CHST11: variants seen among roughly 807,000 people sequenced by gnomAD.
The protein encoded by CHST11 is carbohydrate sulfotransferase 11, also known as C4S-1.
A neutral mutation model predicts 30.4 loss-of-function variants in CHST11; 9 were observed. That is an observed-to-expected ratio of 0.30 (90% CI 0.18 to 0.52). The LOEUF (loss-of-function observed/expected upper bound fraction) is 0.52. Among genes scored for constraint, CHST11 ranks in the 20% least tolerant of loss-of-function variants. The pLI is 0.97. For synonymous variants in CHST11, 152 were observed against 187.8 expected, an observed-to-expected ratio of 0.81 and a Z score of 1.56; for missense variants, 348 against 460.6, an observed-to-expected ratio of 0.76 and a Z score of 2.24.
chr12:104,547,236 T>C (rs1234010909), intron 1 of CHST11, among the ~76,000 whole-genome samples: 1 of 151,828 alleles, frequency 6.6e-6, no homozygotes, highest in East Asian at 1.9e-4. Flanking sequence ...GAAAGGGAGG[T>C]GTGCAGTTGC....
chr12:104,750,428 C>CCTTTT lies in CHST11; in HGVS notation c.205-6521_205-6520insCTTTT, dbSNP rs1420945578. On this transcript the variant is annotated intron_variant, in intron 2 of 2. Transcript: ENST00000303694. ...GTGTACCTGGTTTTATATTTCTGCACTTTTTTTTTTTTTTTTTTTTTTTTT... is the reference window on the plus strand; with the variant it reads ...GTGTACCTGGTTTTATATTTCTGCACCTTTTTTTTTTTTTTTTTTTTTTTTTTTTT... Among the ~76,000 whole-genome samples, 208 of 48,832 alleles carry CCTTTT rather than the reference C, an allele frequency of 4.3e-3. 11 individuals are homozygous for CCTTTT. The highest frequency in any genetic ancestry group is 0.016 in the African/African-American group (194 of 12,318). 32.0% of individuals were successfully genotyped at this position (48,832 alleles called of 152,430 possible). A position where few individuals can be genotyped will look rare whatever the true frequency, so the allele number is the denominator to read the frequency against.
chr12:104,633,417 T>TC (rs1355380231), intron 2 of CHST11, among the ~76,000 whole-genome samples: 1 of 146,564 alleles, frequency 6.8e-6, no homozygotes, highest in Non-Finnish European at 1.5e-5. Context: ...TCTGTCTTTT[T>TC]TTTTTTTTTT....
At chr12:104,601,764 A>G (rs2038959043) in intron 1 of CHST11, 142 bp from the exon 2 acceptor site, 5 of 635,358 alleles carry the variant, frequency 7.9e-6, no homozygotes, top group Non-Finnish European at 1.4e-5. Flanking sequence ...GAGAAGGGAC[A>G]GTGTGGAAAT....
intron 2 of CHST11, among the ~76,000 whole-genome samples, chr12:104,658,448 T>C (rs1335033631): frequency 6.6e-6 from 1 of 152,222 alleles, no homozygotes. Context: ...GACCTCATTT[T>C]CACTTGATCA....
chr12:104,505,075 G>A (rs2037891327), intron 1 of CHST11, among the ~76,000 whole-genome samples: 1 of 152,066 alleles, frequency 6.6e-6, no homozygotes. Flanking sequence ...TCTTGTTTTG[G>A]CTTACAGACA....
chr12:104,607,226 G>A (rs968063407), intron 2 of CHST11, among the ~76,000 whole-genome samples: 25 of 152,240 alleles, frequency 1.6e-4, no homozygotes, highest in Non-Finnish European at 3.1e-4. Context: ...ATAGAGCATC[G>A]CATCTTGGTG....
At chr12:104,688,491 T>C (rs1019639584) in intron 2 of CHST11, among the ~76,000 whole-genome samples, 3 of 152,218 alleles carry the variant, frequency 2.0e-5, no homozygotes, top group African/African-American at 2.4e-5. Context: ...TAGGGCTAGA[T>C]TGACGTATTG....
chr12:104,712,305 A>G (rs1177147661), intron 2 of CHST11, among the ~76,000 whole-genome samples: 1 of 152,158 alleles, frequency 6.6e-6, no homozygotes, highest in Non-Finnish European at 1.5e-5. Context: ...GTGTGCCTTC[A>G]GCATCTCACC....
chr12:104,518,311 A>T (rs924958713), intron 1 of CHST11, among the ~76,000 whole-genome samples: 6 of 152,112 alleles, frequency 3.9e-5, no homozygotes, highest in Non-Finnish European at 7.4e-5. Context: ...AAAAATAAAG[A>T]CCACCTTTGA....
chr12:104,571,974 T>C (rs951297963), intron 1 of CHST11, among the ~76,000 whole-genome samples: 16 of 152,366 alleles, frequency 1.1e-4, no homozygotes, highest in South Asian at 2.1e-4. Flanking sequence ...CAGATAATCA[T>C]GTGGTTTTTG....
intron 1 of CHST11, among the ~76,000 whole-genome samples, chr12:104,598,211 G>GAGT (rs1592786228): frequency 6.6e-6 from 1 of 152,178 alleles, no homozygotes; most frequent in East Asian, 1.9e-4. Flanking sequence ...CCAGGCAACA[G>GAGT]AGTAGGTCCT....
intron 2 of CHST11, among the ~76,000 whole-genome samples, chr12:104,629,167 T>C (rs2039247622): frequency 6.6e-6 from 1 of 152,260 alleles, no homozygotes; most frequent in Non-Finnish European, 1.5e-5. Flanking sequence ...TCTTACTAGC[T>C]GTATTTGTTT....
intron 1 of CHST11, among the ~76,000 whole-genome samples, chr12:104,491,100 T>C (rs2037740434): frequency 6.6e-6 from 1 of 152,052 alleles, no homozygotes; most frequent in South Asian, 2.1e-4. Context: ...CTGTTAACAA[T>C]TATCTCTGAG....
intron 1 of CHST11, among the ~76,000 whole-genome samples, chr12:104,460,035 G>A (rs556738996): frequency 6.6e-6 from 1 of 152,182 alleles, no homozygotes; most frequent in Admixed American, 6.5e-5. Context: ...TTTTTGAGGG[G>A]TTCATTTTAT....
At chr12:104,546,209 C>T (rs1035913804) in intron 1 of CHST11, among the ~76,000 whole-genome samples, 1 of 151,836 alleles carries the variant, frequency 6.6e-6, no homozygotes, top group Non-Finnish European at 1.5e-5. Flanking sequence ...GTGGCTCATA[C>T]CTATAATCCC....
intron 1 of CHST11, among the ~76,000 whole-genome samples, chr12:104,492,722 T>C (rs907215697): frequency 1.3e-5 from 2 of 152,212 alleles, no homozygotes; most frequent in Non-Finnish European, 2.9e-5. Flanking sequence ...TTGAGCTGAT[T>C]AAGGTTTTAG....
intron 1 of CHST11, among the ~76,000 whole-genome samples, chr12:104,528,566 T>C (rs954084679): frequency 6.6e-6 from 1 of 152,198 alleles, no homozygotes; most frequent in Non-Finnish European, 1.5e-5. Context: ...GGGTGGCCAG[T>C]GCTGTTCTTC....
rs535850542 is a variant in CHST11 at position 104,658,035 on chromosome 12, C to T, written c.204+56044C>T. ...TAGTTTTCCACTGCAACAGACCCGC[C>T]GAGGCCAGCCAGCCAAGGATACTCA... On this transcript the variant is annotated intron_variant, in intron 2 of 2. Coordinates refer to ENST00000303694, the MANE Select transcript of CHST11 (RefSeq NM_018413.6). 4.6e-5 allele frequency among the ~76,000 whole-genome samples: 7 copies of T among 152,266 alleles called. No individual in the cohort carries two copies. In the East Asian group the frequency reaches 5.8e-4, roughly 13 times the overall value.
At chr12:104,744,874 TTTATTTATTTA>T (rs2040377808) in intron 2 of CHST11, among the ~76,000 whole-genome samples, 2 of 150,514 alleles carry the variant, frequency 1.3e-5, no homozygotes, top group African/African-American at 4.9e-5. Context: ...TATTTATTTA[TTTATTTATTTA>T]TTTTTTGAGA....
Sources: gnomAD v4.1 joint callset for allele counts (sites outside exome capture counted in the v4.1 genomes callset) on GRCh38, gnomAD v4.1.1 for gene constraint, MANE v1.5 for transcripts, NCBI Gene and HGNC (gene_info 2026-07-23, HGNC 2026-07-21) for gene names.